PEX5L: variants seen among roughly 807,000 people sequenced by gnomAD.
The protein encoded by PEX5L is peroxisomal biogenesis factor 5 like, also known as PEX5-related protein.
In PEX5L, 30 loss-of-function variants were observed where a neutral mutation model predicts 84.0. The ratio of observed to expected loss-of-function variants is 0.36; its 90% CI spans 0.27 to 0.48. PEX5L has a LOEUF of 0.48. PEX5L is among the 20% of genes least tolerant of loss of function. The pLI, the probability that PEX5L is intolerant of heterozygous loss-of-function variation, is 0.99. For synonymous variants in PEX5L, 270 were observed against 283.1 expected (o/e 0.95, Z 0.46); for missense variants, 533 against 754.6 (o/e 0.71, Z 3.44).
chr3:179,805,439 A>T (rs1720926823), intron 14 of PEX5L, among the ~76,000 whole-genome samples: 1 of 152,192 alleles, frequency 6.6e-6, no homozygotes. Context: ...TAATATTTGC[A>T]TATAGCCTGC....
chr3:179,902,770 G>T, intron 2 of PEX5L: 2 of 402,976 alleles, frequency 5.0e-6, no homozygotes, highest in Non-Finnish European at 4.9e-6. Flanking sequence ...CAAGGAATTT[G>T]TAATTTAAAA....
intron 4 of PEX5L, among the ~76,000 whole-genome samples, chr3:179,883,302 C>T (rs1754736702): frequency 6.6e-6 from 1 of 152,144 alleles, no homozygotes; most frequent in Admixed American, 6.5e-5. Flanking sequence ...ATGTCGCTGA[C>T]TTCACTTCTA....
At chr3:179,887,881 C>G (rs908513847) in intron 3 of PEX5L, 97 bp from the exon 4 acceptor site, 1 of 817,698 alleles carries the variant, frequency 1.2e-6, no homozygotes, top group African/African-American at 1.7e-5. Flanking sequence ...AATAGCAAGC[C>G]TACCAAAAAT....
intron 8 of PEX5L, among the ~76,000 whole-genome samples, chr3:179,824,706 C>CAAAAAAAAAAA: frequency 1.4e-5 from 1 of 70,514 alleles, no homozygotes; most frequent in Non-Finnish European, 2.6e-5. Flanking sequence ...AACTCCATCT[C>CAAAAAAAAAAA]AAAAAAAAAA....
Position 179,977,633 on chromosome 3 carries a change from G to A in PEX5L, c.22-5968C>T, listed in dbSNP as rs73178095. ...CAAAAGGCCTGGAAGTAGAGCTTGA[G>A]AGTGATCGCCTTTCAAGGACGTAAG... On this transcript the variant is annotated intron_variant, in intron 1 of 14. Transcript: ENST00000467460. Among the ~76,000 whole-genome samples the A allele has an allele frequency of 9.9e-3, 1,511 of 152,316 alleles. 19 individuals are homozygous for A. Among genetic ancestry groups the A allele is most frequent in the Non-Finnish European group, 0.016 (1,080 of 68,022 alleles).
intron 1 of PEX5L, among the ~76,000 whole-genome samples, chr3:179,996,236 T>C (rs1029970235): frequency 6.6e-6 from 1 of 152,132 alleles, no homozygotes; most frequent in African/African-American, 2.4e-5. Flanking sequence ...AAAGAGCTGC[T>C]TGAGTTTTCT....
At chr3:179,962,104 T>G (rs1023878890) in intron 2 of PEX5L, among the ~76,000 whole-genome samples, 1 of 52,650 alleles carries the variant, frequency 1.9e-5, no homozygotes, top group African/African-American at 5.0e-5. Flanking sequence ...GAGAACCATT[T>G]TATGAAGAGT....
At chr3:179,948,922 A>G (rs1394939540) in intron 2 of PEX5L, among the ~76,000 whole-genome samples, 2 of 152,220 alleles carry the variant, frequency 1.3e-5, no homozygotes, top group Non-Finnish European at 2.9e-5. Flanking sequence ...ACAAGCAATC[A>G]GTATATCTAC....
At chr3:179,805,358 G>A (rs1720896647) in intron 14 of PEX5L, among the ~76,000 whole-genome samples, 1 of 151,904 alleles carries the variant, frequency 6.6e-6, no homozygotes, top group Admixed American at 6.6e-5. Flanking sequence ...GGTATCCGTG[G>A]GGGATTGGTT....
intron 1 of PEX5L, among the ~76,000 whole-genome samples, chr3:179,983,555 T>G (rs989428976): frequency 3.9e-5 from 6 of 151,962 alleles, no homozygotes; most frequent in Non-Finnish European, 7.4e-5. Flanking sequence ...CACCTTGGCA[T>G]GAATCAAGAT....
At chr3:179,933,044 C>T (rs1773543984) in intron 2 of PEX5L, among the ~76,000 whole-genome samples, 1 of 152,196 alleles carries the variant, frequency 6.6e-6, no homozygotes, top group South Asian at 2.1e-4. Context: ...TGGTAACCAC[C>T]ATCCTGCTCT....
chr3:179,852,571 C>T (rs893333552), intron 8 of PEX5L, among the ~76,000 whole-genome samples: 6 of 152,034 alleles, frequency 3.9e-5, no homozygotes, highest in East Asian at 1.9e-4. Flanking sequence ...AAGTGGGGGA[C>T]GAGAAGAGCC....
chr3:179,957,625 A>G (rs1366621730), intron 2 of PEX5L, among the ~76,000 whole-genome samples: 1 of 152,250 alleles, frequency 6.6e-6, no homozygotes, highest in Non-Finnish European at 1.5e-5. Flanking sequence ...TTCAGAGCAC[A>G]GAAATATACT....
intron 14 of PEX5L, 68 bp downstream of exon 14, chr3:179,807,606 A>T: frequency 6.8e-7 from 1 of 1,472,226 alleles, no homozygotes; most frequent in South Asian, 1.2e-5. Flanking sequence ...ACTTGGAAAC[A>T]ACCTTTCAGA....
At chr3:180,022,522 T>C (rs1056788046) in intron 1 of PEX5L, among the ~76,000 whole-genome samples, 1 of 152,212 alleles carries the variant, frequency 6.6e-6, no homozygotes, top group Admixed American at 6.5e-5. Flanking sequence ...GGTTAAAACA[T>C]TAAAGTAATA....
At chr3:179,964,707 A>T (rs574729547) in intron 2 of PEX5L, among the ~76,000 whole-genome samples, 1 of 152,210 alleles carries the variant, frequency 6.6e-6, no homozygotes, top group Non-Finnish European at 1.5e-5. Context: ...AATGCTCAAC[A>T]TCACTAATCA....
At chr3:179,808,231 C>T in intron 13 of PEX5L, 41 bp downstream of exon 13, 2 of 1,488,232 alleles carry the variant, frequency 1.3e-6, no homozygotes, top group Non-Finnish European at 9.0e-7. Context: ...TTATTTGTTA[C>T]AGAGAACGCT....
At chr3:179,802,803 T>A (rs1243309675) in intron 14 of PEX5L, among the ~76,000 whole-genome samples, 1 of 151,864 alleles carries the variant, frequency 6.6e-6, no homozygotes, top group Non-Finnish European at 1.5e-5. Flanking sequence ...TAGAGTAGAT[T>A]GAGTTTATTA....
chr3:180,007,535 AG>A (rs1194927454), intron 1 of PEX5L, among the ~76,000 whole-genome samples: 1 of 152,158 alleles, frequency 6.6e-6, no homozygotes, highest in African/African-American at 2.4e-5. Flanking sequence ...GGGAGTTCCT[AG>A]TGTGGGAGCT....
Sources: gnomAD v4.1 joint callset for allele counts (sites outside exome capture counted in the v4.1 genomes callset) on GRCh38, gnomAD v4.1.1 for gene constraint, MANE v1.5 for transcripts, NCBI Gene and HGNC (gene_info 2026-07-23, HGNC 2026-07-21) for gene names.